The following RNFT2 variants were observed in gnomAD, a reference collection of about 807,000 sequenced individuals.
The protein encoded by RNFT2 is ring finger protein, transmembrane 2.
A neutral mutation model predicts 53.0 loss-of-function variants in RNFT2; 36 were observed. The ratio of observed to expected loss-of-function variants is 0.68; its 90% confidence interval spans 0.52 to 0.90. The LOEUF (loss-of-function observed/expected upper bound fraction) is 0.90, where lower values mean the gene tolerates loss of function less well. Among genes scored for constraint, RNFT2 ranks in the 40% least tolerant of loss-of-function variants. The pLI, the probability that RNFT2 is intolerant of heterozygous loss-of-function variation, is 0.00. For missense variants in RNFT2, 514 were observed against 585.6 expected, an observed-to-expected ratio of 0.88 and a Z score of 1.26; for synonymous variants, 260 against 253.2, an observed-to-expected ratio of 1.03 and a Z score of -0.26.
chr12:116,848,041 C>G (rs1877707107), intron 10 of RNFT2, among the ~76,000 whole-genome samples: 1 of 152,090 alleles, frequency 6.6e-6, no homozygotes, highest in Admixed American at 6.6e-5. Flanking sequence ...GTTCCCCTCC[C>G]TGTATCCATG....
At chr12:116,790,960 G>GA (rs1445468262) in intron 7 of RNFT2, among the ~76,000 whole-genome samples, 1 of 152,082 alleles carries the variant, frequency 6.6e-6, no homozygotes, top group East Asian at 1.9e-4. Context: ...GACCCTGTCT[G>GA]AAAAAAATAA....
intron 10 of RNFT2, among the ~76,000 whole-genome samples, chr12:116,841,868 T>A (rs1355610693): frequency 8.9e-4 from 23 of 25,746 alleles, no homozygotes; most frequent in African/African-American, 1.9e-3. Flanking sequence ...AATATATATA[T>A]AAATATATAT....
chr12:116,771,490 A>ATAT lies in RNFT2; in HGVS notation c.728+4576_728+4577insTAT, dbSNP rs1308384275. On this transcript the variant is annotated intron_variant, in intron 6 of 10. Coordinates refer to ENST00000257575, the MANE Select transcript of RNFT2 (RefSeq NM_001382266.1). ...AAAAAAAAAAAAAAAAAAAAAAAAA[A>ATAT]AAAAATACGTATATGAGCAATTTTA... Among the ~76,000 whole-genome samples the ATAT allele has an allele frequency of 9.7e-4, 104 of 107,574 alleles. 10 individuals are homozygous for ATAT. Among genetic ancestry groups the ATAT allele is most frequent in the African/African-American group, 1.2e-3 (34 of 28,242 alleles). 70.6% of individuals were successfully genotyped at this position (107,574 alleles called of 152,430 possible).
intron 7 of RNFT2, among the ~76,000 whole-genome samples, chr12:116,814,438 C>T (rs547901225): frequency 1.3e-5 from 2 of 152,218 alleles, no homozygotes; most frequent in East Asian, 1.9e-4. Flanking sequence ...GAGAAGGTAA[C>T]ATTCATGCAA....
chr12:116,784,250 C>G (rs1049989959), intron 7 of RNFT2, among the ~76,000 whole-genome samples: 21 of 152,268 alleles, frequency 1.4e-4, no homozygotes, highest in African/African-American at 4.8e-4. Context: ...CTAGCAGTCT[C>G]CCTGGCTCTC....
At chr12:116,749,656 C>T (rs745772595) in intron 3 of RNFT2, among the ~76,000 whole-genome samples, 185 bp from the exon 4 acceptor site, 2 of 152,066 alleles carry the variant, frequency 1.3e-5, no homozygotes, top group East Asian at 1.9e-4. Flanking sequence ...TTCATTGCCT[C>T]GTATAGACCC....
chr12:116,764,262 C>T (rs1312943953), intron 5 of RNFT2, among the ~76,000 whole-genome samples: 1 of 152,050 alleles, frequency 6.6e-6, no homozygotes, highest in Non-Finnish European at 1.5e-5. Context: ...TGTATACTGC[C>T]CAGGTGATGG....
intron 5 of RNFT2, among the ~76,000 whole-genome samples, chr12:116,761,238 TC>T (rs1453020667): frequency 6.6e-6 from 1 of 152,150 alleles, no homozygotes; most frequent in East Asian, 1.9e-4. Flanking sequence ...AACCTCTGCC[TC>T]CCAGGTTCAA....
intron 10 of RNFT2, among the ~76,000 whole-genome samples, chr12:116,838,827 G>C (rs1386239099): frequency 6.6e-6 from 1 of 152,192 alleles, no homozygotes; most frequent in Non-Finnish European, 1.5e-5. Flanking sequence ...CTTGGGAGGA[G>C]TCAGACAAGA....
At chr12:116,804,348 G>A (rs910130618) in intron 7 of RNFT2, among the ~76,000 whole-genome samples, 1 of 152,102 alleles carries the variant, frequency 6.6e-6, no homozygotes, top group Non-Finnish European at 1.5e-5. Flanking sequence ...TGTGAGGTGG[G>A]GCCAGCAGTC....
At chr12:116,813,424 T>A (rs1021203988) in intron 7 of RNFT2, among the ~76,000 whole-genome samples, 9 of 152,196 alleles carry the variant, frequency 5.9e-5, no homozygotes, top group African/African-American at 2.2e-4. Context: ...AGGAACACTG[T>A]CTCCCCAGCC....
intron 8 of RNFT2, among the ~76,000 whole-genome samples, 161 bp downstream of exon 8, chr12:116,834,102 G>T (rs1343551770): frequency 2.0e-5 from 3 of 152,066 alleles, no homozygotes; most frequent in Non-Finnish European, 4.4e-5. Context: ...ACCACTAACT[G>T]TTTTATTTTT....
Position 116,794,885 on chromosome 12 carries a change from C to A in RNFT2, c.882+15537C>A, listed in dbSNP as rs183230216. Among the ~76,000 whole-genome samples, 171 of 152,062 alleles carry A rather than the reference C, an allele frequency of 1.1e-3. 1 individual carries two copies. Among genetic ancestry groups the A allele is most frequent in the African/African-American group, 3.8e-3 (159 of 41,398 alleles). ...TTCAGGACCTGTTTGCTTACAGGGG[C>A]AATGCTAGATCCTGAGAATATAAAA... On this transcript the variant is annotated intron_variant, in intron 7 of 10. Transcript: ENST00000257575.
chr12:116,822,780 T>A (rs999910204), intron 7 of RNFT2, among the ~76,000 whole-genome samples: 2 of 152,104 alleles, frequency 1.3e-5, no homozygotes, highest in Admixed American at 1.3e-4. Flanking sequence ...GGCGGGCAGA[T>A]CACCTGAGGA....
At chr12:116,842,872 C>A (rs768520139) in intron 10 of RNFT2, among the ~76,000 whole-genome samples, 5 of 152,096 alleles carry the variant, frequency 3.3e-5, no homozygotes, top group South Asian at 2.1e-4. Flanking sequence ...CTGTGCCCGG[C>A]GTGTTTATAC....
At chr12:116,739,419 T>G (rs1163053207) in intron 1 of RNFT2, among the ~76,000 whole-genome samples, 2 of 152,100 alleles carry the variant, frequency 1.3e-5, no homozygotes, top group African/African-American at 4.8e-5. Context: ...GTAGACAGGA[T>G]CCCTACTTTC....
At chr12:116,812,343 G>T (rs1875420519) in intron 7 of RNFT2, among the ~76,000 whole-genome samples, 1 of 152,146 alleles carries the variant, frequency 6.6e-6, no homozygotes, top group Admixed American at 6.5e-5. Context: ...ACGCAGAGAT[G>T]CAGGCAGAGG....
chr12:116,826,018 T>C (rs1057377706), intron 7 of RNFT2, among the ~76,000 whole-genome samples: 2 of 152,178 alleles, frequency 1.3e-5, no homozygotes, highest in African/African-American at 4.8e-5. Context: ...TGTGCATTTT[T>C]CATACATTGA....
chr12:116,791,577 T>C (rs1441147670), intron 7 of RNFT2, among the ~76,000 whole-genome samples: 1 of 152,232 alleles, frequency 6.6e-6, no homozygotes, highest in African/African-American at 2.4e-5. Context: ...CCCAAAGTGC[T>C]GGAATTACAG....
Sources: allele counts gnomAD v4.1 joint callset (sites outside exome capture counted in the v4.1 genomes callset), GRCh38; gene constraint gnomAD v4.1.1; transcripts MANE v1.5; gene names NCBI Gene and HGNC (gene_info 2026-07-23, HGNC 2026-07-21).